PAPPA2: variants seen among roughly 807,000 people sequenced by gnomAD.
PAPPA2 encodes pappalysin 2.
A neutral mutation model predicts 176.4 loss-of-function variants in PAPPA2; 86 were observed. The ratio of observed to expected loss-of-function variants is 0.49; its 90% CI spans 0.41 to 0.58. The LOEUF (loss-of-function observed/expected upper bound fraction) is 0.58. Ranked by LOEUF, PAPPA2 falls within the 20% of genes least tolerant of loss-of-function variation. The pLI is 0.00. For synonymous variants in PAPPA2, 809 were observed against 852.2 expected, an observed-to-expected ratio of 0.95 and a Z score of 0.88; for missense variants, 2,073 against 2,256.9, an observed-to-expected ratio of 0.92 and a Z score of 1.65.
intron 3 of PAPPA2, among the ~76,000 whole-genome samples, chr1:176,635,302 A>AT (rs1251460870): frequency 6.6e-6 from 1 of 152,102 alleles, no homozygotes; most frequent in Non-Finnish European, 1.5e-5. Context: ...GTGGGCTGAT[A>AT]TTTTTCTTCT....
chr1:176,708,282 A>G (rs1660970515), intron 10 of PAPPA2, among the ~76,000 whole-genome samples: 1 of 152,164 alleles, frequency 6.6e-6, no homozygotes, highest in African/African-American at 2.4e-5. Flanking sequence ...AAAATGATAT[A>G]TTCCAACAGT....
chr1:176,617,904 G>A (rs2102687166), intron 3 of PAPPA2, among the ~76,000 whole-genome samples: 1 of 152,198 alleles, frequency 6.6e-6, no homozygotes, highest in African/African-American at 2.4e-5. Context: ...TTGAAAAGGT[G>A]CTCCTTCTTA....
chr1:176,758,241 C>A, intron 14 of PAPPA2, among the ~76,000 whole-genome samples: 1 of 152,154 alleles, frequency 6.6e-6, no homozygotes, highest in East Asian at 1.9e-4. Flanking sequence ...TTCTCAACAC[C>A]TCAAAGTACC....
intron 1 of PAPPA2, among the ~76,000 whole-genome samples, chr1:176,518,466 A>AC (rs1558413539): frequency 6.6e-6 from 1 of 151,818 alleles, no homozygotes; most frequent in African/African-American, 2.4e-5. Context: ...AAAAAAAAAA[A>AC]AAACAAACAA....
chr1:176,503,532 G>T (rs569182424), intron 1 of PAPPA2, among the ~76,000 whole-genome samples: 3 of 152,154 alleles, frequency 2.0e-5, no homozygotes, highest in African/African-American at 4.8e-5. Context: ...AAAATTTTAA[G>T]AGATGGTTAA....
intron 12 of PAPPA2, among the ~76,000 whole-genome samples, chr1:176,723,032 T>C (rs1571228605): frequency 1.3e-5 from 2 of 152,176 alleles, no homozygotes; most frequent in East Asian, 3.9e-4. Flanking sequence ...AAGAGCATGG[T>C]GCTGGCATCT....
intron 3 of PAPPA2, among the ~76,000 whole-genome samples, chr1:176,666,022 G>A (rs933920832): frequency 6.6e-6 from 1 of 152,126 alleles, no homozygotes; most frequent in African/African-American, 2.4e-5. Context: ...GTGCTTTGAA[G>A]TTTAAGAATA....
chr1:176,762,128 A>G (rs902607935), intron 14 of PAPPA2, among the ~76,000 whole-genome samples: 1 of 152,182 alleles, frequency 6.6e-6, no homozygotes, highest in Non-Finnish European at 1.5e-5. Flanking sequence ...CGACCTGACA[A>G]ACTCTGTCCT....
chr1:176,800,308 A>T (rs528878873), intron 21 of PAPPA2, among the ~76,000 whole-genome samples, 176 bp downstream of exon 21: 2 of 152,256 alleles, frequency 1.3e-5, no homozygotes, highest in Non-Finnish European at 2.9e-5. Context: ...AGGAGTTCTG[A>T]TTTTTGTTTT....
intron 1 of PAPPA2, among the ~76,000 whole-genome samples, chr1:176,552,398 T>TC (rs1191564768): frequency 2.7e-5 from 4 of 147,828 alleles, no homozygotes; most frequent in Admixed American, 6.7e-5. Flanking sequence ...TCTCTTTTCT[T>TC]CCCCCCTTAC....
At chr1:176,635,677 T>G (rs1002996071) in intron 3 of PAPPA2, among the ~76,000 whole-genome samples, 2 of 152,184 alleles carry the variant, frequency 1.3e-5, no homozygotes, top group Non-Finnish European at 2.9e-5. Context: ...AAATTAATTC[T>G]TCCTGGATTT....
At chr1:176,704,249 T>C (rs1292658855) in intron 9 of PAPPA2, among the ~76,000 whole-genome samples, 1 of 152,216 alleles carries the variant, frequency 6.6e-6, no homozygotes, top group Non-Finnish European at 1.5e-5. Flanking sequence ...AGGTTACTTA[T>C]CAAAATGTTC....
chr1:176,545,651 G>C (rs888134334), intron 1 of PAPPA2, among the ~76,000 whole-genome samples: 2 of 152,080 alleles, frequency 1.3e-5, no homozygotes, highest in African/African-American at 4.8e-5. Context: ...TAAGGGACTT[G>C]AGCATCCTCA....
At chr1:176,723,358 A>AAATT (rs1661713454) in intron 12 of PAPPA2, among the ~76,000 whole-genome samples, 1 of 152,212 alleles carries the variant, frequency 6.6e-6, no homozygotes, top group Non-Finnish European at 1.5e-5. Flanking sequence ...GTATTAGAAA[A>AAATT]AATTATTAAT....
At chr1:176,709,920 G>A in intron 10 of PAPPA2, 63 bp from the exon 11 acceptor site, 1 of 1,440,538 alleles carries the variant, frequency 6.9e-7, no homozygotes, top group South Asian at 1.3e-5. Context: ...ACATTCCCAT[G>A]TTCATTTTTT....
In PAPPA2 at chr1:176,595,542, C is replaced by T; in HGVS notation, c.1938C>T (p.Asp646=). The stretch of plus-strand genomic sequence containing the variant: ...ACTTTGACGACGGAGACTGCTGCGA[C>T]CCCCAGGTGGCTGATGTGCGCAAGA... ...LNDFDDGDCC[D]PQVADVRKTC... Residue 646 remains aspartate (D), a synonymous_variant, in exon 3 of 23, where the codon GAC becomes GAT. Coordinates refer to ENST00000367662, the MANE Select transcript of PAPPA2 (RefSeq NM_020318.3). The T allele has an allele frequency of 1.2e-6, 2 of 1,614,100 alleles. No homozygotes were observed. The highest frequency in any genetic ancestry group is 1.7e-6 in the Non-Finnish European group (2 of 1,180,010).
intron 16 of PAPPA2, 45 bp from the exon 17 acceptor site, chr1:176,770,922 G>C (rs768735678): frequency 1.3e-6 from 2 of 1,557,180 alleles, no homozygotes; most frequent in South Asian, 2.2e-5. Flanking sequence ...TATCTTTCTG[G>C]GCTCTCTGTT....
intron 1 of PAPPA2, among the ~76,000 whole-genome samples, chr1:176,523,885 T>C (rs1649335736): frequency 6.6e-6 from 1 of 152,214 alleles, no homozygotes; most frequent in Admixed American, 6.5e-5. Context: ...CCTTGGCAAA[T>C]GGCTCTTCTC....
chr1:176,475,452 G>T (rs952905085), intron 1 of PAPPA2, among the ~76,000 whole-genome samples: 2 of 152,196 alleles, frequency 1.3e-5, no homozygotes, highest in Non-Finnish European at 2.9e-5. Flanking sequence ...ACAGGAGGAA[G>T]GTCTACACTG....
Sources: allele counts gnomAD v4.1 joint callset (sites outside exome capture counted in the v4.1 genomes callset), GRCh38; gene constraint gnomAD v4.1.1; transcripts MANE v1.5; gene names NCBI Gene and HGNC (gene_info 2026-07-23, HGNC 2026-07-21).